The following CINP variants were observed in gnomAD, a reference collection of about 807,000 sequenced individuals.
CINP encodes the protein cyclin-dependent kinase 2-interacting protein.
In CINP, 11 loss-of-function variants were observed where a neutral mutation model predicts 20.5. The observed-to-expected ratio is 0.54, with a 90% CI of 0.34 to 0.89. The LOEUF is 0.89. CINP is among the 40% of genes least tolerant of loss of function. CINP has a pLI of 0.02. For missense variants in CINP, 213 were observed against 251.0 expected (o/e 0.85, Z 1.02); for synonymous variants, 108 against 102.1 (o/e 1.06, Z -0.35).
chr14:102,350,685 GAA>G (rs1403869275), intron 3 of CINP, among the ~76,000 whole-genome samples: 1 of 152,038 alleles, frequency 6.6e-6, no homozygotes, highest in Non-Finnish European at 1.5e-5. Context: ...AAGTGAGAGA[GAA>G]AGGCATCAAA....
At chr14:102,355,995 C>A in intron 2 of CINP, 98 bp from the exon 3 acceptor site, 1 of 1,260,328 alleles carries the variant, frequency 7.9e-7, no homozygotes, top group Non-Finnish European at 1.1e-6. Context: ...CACATAGTTA[C>A]GTGGGACATT....
intron 3 of CINP, chr14:102,352,548 A>G: frequency 2.2e-6 from 1 of 456,062 alleles, no homozygotes; most frequent in Non-Finnish European, 4.4e-6. Flanking sequence ...AGGTCTGGAA[A>G]CCATTCTCTA....
chr14:102,361,410 C>T (rs1173720964), intron 1 of CINP, among the ~76,000 whole-genome samples: 1 of 152,118 alleles, frequency 6.6e-6, no homozygotes, highest in African/African-American at 2.4e-5. Flanking sequence ...GAGGCCAAGG[C>T]GGGCGGATCA....
chr14:102,355,840 T>A lies in CINP; in HGVS notation c.234A>T (p.Glu78Asp), dbSNP rs374077748. 1.2e-6 allele frequency: 2 copies of A among 1,614,116 alleles called. No individual in the cohort carries two copies. The highest frequency in any genetic ancestry group is 2.7e-5 in the African/African-American group (2 of 74,940). ...SSSPASKENE[E>D]KVCLEYNEEL... ...CCTCGTTATATTCCAGACACACCTT[T>A]TCTTCATTTTCCTTCGAGGCTGGGC... The change falls in exon 3 of 5, where the codon GAA becomes GAT. Residue 78 changes from glutamate to aspartate, a missense_variant. By Grantham distance (45) the Glu-to-Asp change is conservative. Coordinates refer to ENST00000216756, the MANE Select transcript of CINP (RefSeq NM_032630.3).
At chr14:102,359,227 A>ATATATATAT (rs1887072544) in intron 2 of CINP, among the ~76,000 whole-genome samples, 192 bp downstream of exon 2, 54 of 115,420 alleles carry the variant, frequency 4.7e-4, no homozygotes, top group African/African-American at 1.6e-3. Flanking sequence ...TAAATAACTA[A>ATATATATAT]ATATATATAT....
intron 1 of CINP, among the ~76,000 whole-genome samples, chr14:102,361,475 T>C (rs932114203): frequency 1.3e-5 from 2 of 151,846 alleles, no homozygotes; most frequent in African/African-American, 4.8e-5. Context: ...TCATCTCTAC[T>C]AAAAAAATAC....
In CINP at chr14:102,362,827, G is replaced by T; in HGVS notation, c.7+18C>A. ...TTCACAGCCACCCCACCCCGGGAAAGGAACCGATCTCACGCACCTTCCATA... is the reference window on the plus strand; with the variant it reads ...TTCACAGCCACCCCACCCCGGGAAATGAACCGATCTCACGCACCTTCCATA... On this transcript the variant is annotated intron_variant, in intron 1 of 4. Transcript: ENST00000216756. 1 of 1,614,070 alleles carries T rather than the reference G, an allele frequency of 6.2e-7. No individual in the cohort carries two copies. The highest frequency in any genetic ancestry group is 1.1e-5 in the South Asian group (1 of 91,074).
At chr14:102,350,187 G>T in intron 3 of CINP, 139 bp from the exon 4 acceptor site, 1 of 688,830 alleles carries the variant, frequency 1.5e-6, no homozygotes, top group Non-Finnish European at 2.3e-6. Flanking sequence ...TTAACTCTAC[G>T]TACAGCAAAT....
chr14:102,349,958 G>C lies in CINP; in HGVS notation c.397C>G (p.Arg133Gly). The change falls in exon 4 of 5, where the codon CGA (arginine) becomes GGA (glycine). Residue 133 changes from arginine (R) to glycine (G), a missense_variant. Coordinates refer to ENST00000216756, the MANE Select transcript of CINP (RefSeq NM_032630.3). The stretch of plus-strand genomic sequence containing the variant: ...GGCCACGTGTGGAACAGAGGGGGTC[G>C]TTTACTCTCCTCCCCATAATGGTAG... ...ENYHYGEESK[R>G]PPLFHTWPTT... 1 of 1,613,626 alleles carries C rather than the reference G, an allele frequency of 6.2e-7. No homozygotes were observed.
At chr14:102,350,116 A>G in intron 3 of CINP, 68 bp from the exon 4 acceptor site, 2 of 1,412,038 alleles carry the variant, frequency 1.4e-6, no homozygotes, top group Non-Finnish European at 9.8e-7. Flanking sequence ...TAATAACTCT[A>G]AGATTTCAAA....
chr14:102,349,800 A>T, intron 4 of CINP, 119 bp downstream of exon 4: 1 of 1,228,854 alleles, frequency 8.1e-7, no homozygotes, highest in Non-Finnish European at 1.2e-6. Flanking sequence ...TTTCCTCCCG[A>T]TACTTTTGCA....
chr14:102,348,514 G>GT lies in CINP; in HGVS notation c.*42dup, dbSNP rs1567303879. 6.5e-7 allele frequency: 1 copy of GT among 1,543,878 alleles called. No individual in the cohort carries two copies. The highest frequency in any genetic ancestry group is 8.8e-7 in the Non-Finnish European group (1 of 1,136,220). Reference sequence around the variant, plus strand: ...GGGTCCTAGGCAGACTGTCTGCCTGGTGAGACGTGGAAGGAGCCAGTGTCC... The same window carrying GT: ...GGGTCCTAGGCAGACTGTCTGCCTGGTTGAGACGTGGAAGGAGCCAGTGTCC... On this transcript the variant is annotated 3_prime_UTR_variant, in exon 5 of 5. Transcript: ENST00000216756.
chr14:102,360,426 A>G (rs144049731), intron 1 of CINP, among the ~76,000 whole-genome samples: 64 of 151,862 alleles, frequency 4.2e-4, no homozygotes, highest in African/African-American at 1.5e-3. Context: ...TTTGAACCCC[A>G]CAAAGGCTTC....
chr14:102,353,442 A>C (rs1886918650), intron 3 of CINP, among the ~76,000 whole-genome samples: 1 of 152,126 alleles, frequency 6.6e-6, no homozygotes, highest in Non-Finnish European at 1.5e-5. Flanking sequence ...TGGGAGGCTG[A>C]GGTGGGAGCA....
chr14:102,349,868 C>A, intron 4 of CINP, 51 bp downstream of exon 4: 1 of 1,602,790 alleles, frequency 6.2e-7, no homozygotes, highest in South Asian at 1.1e-5. Flanking sequence ...ATACTAAATG[C>A]CCTTAATAAC....
chr14:102,360,027 T>C (rs1013568213), intron 1 of CINP, among the ~76,000 whole-genome samples: 1 of 151,646 alleles, frequency 6.6e-6, no homozygotes, highest in African/African-American at 2.4e-5. Context: ...GGCCCATGAG[T>C]GCTAATCATT....
chr14:102,362,836 C>T lies in CINP; in HGVS notation c.7+9G>A, dbSNP rs767396064. On this transcript the variant is annotated intron_variant, in intron 1 of 4. Coordinates refer to ENST00000216756, the MANE Select transcript of CINP (RefSeq NM_032630.3). ...ACCCCACCCCGGGAAAGGAACCGAT[C>T]TCACGCACCTTCCATAAGGTCCACA... is the stretch of plus-strand genomic sequence containing the variant. 1.4e-5 allele frequency: 23 copies of T among 1,614,006 alleles called. No individual in the cohort carries two copies. Among genetic ancestry groups the T allele is most frequent in the Non-Finnish European group, 1.9e-5 (22 of 1,179,988 alleles).
At chr14:102,360,532 C>A (rs1231652097) in intron 1 of CINP, among the ~76,000 whole-genome samples, 1 of 152,226 alleles carries the variant, frequency 6.6e-6, no homozygotes, top group Non-Finnish European at 1.5e-5. Context: ...CTGCCTGCGT[C>A]TGAACCCCAG....
At chr14:102,357,811 G>C (rs988795483) in intron 2 of CINP, among the ~76,000 whole-genome samples, 1 of 152,218 alleles carries the variant, frequency 6.6e-6, no homozygotes, top group Non-Finnish European at 1.5e-5. Context: ...ATCTACTTAA[G>C]ATCAGTGATG....
Sources: gnomAD v4.1 joint callset for allele counts (sites outside exome capture counted in the v4.1 genomes callset) on GRCh38, gnomAD v4.1.1 for gene constraint, MANE v1.5 for transcripts, NCBI Gene and HGNC (gene_info 2026-07-23, HGNC 2026-07-21) for gene names.